Variants in DNAH9 observed in about 807,000 individuals in gnomAD.
DNAH9 encodes DNAH9 variant protein.
Under a neutral mutation model 471.6 loss-of-function variants are expected in DNAH9, and 345 were observed. That is an observed-to-expected ratio of 0.73 (90% confidence interval 0.67 to 0.80). DNAH9 has a LOEUF of 0.80. Among genes scored for constraint, DNAH9 ranks in the 30% least tolerant of loss-of-function variants. The pLI, the probability that DNAH9 is intolerant of heterozygous loss-of-function variation, is 0.00. For missense variants in DNAH9, 5,407 were observed against 5,609.2 expected, an observed-to-expected ratio of 0.96 and a Z score of 1.15; for synonymous variants, 2,093 against 2,123.6, an observed-to-expected ratio of 0.99 and a Z score of 0.40.
chr17:11,892,226 CCAAT>C lies in DNAH9; in HGVS notation c.11283+287_11283+290del, dbSNP rs758956246. Among the ~76,000 whole-genome samples the C allele has an allele frequency of 6.6e-6, 1 of 152,154 alleles. No homozygotes were observed. Among genetic ancestry groups the C allele is most frequent in the Non-Finnish European group, 1.5e-5 (1 of 68,044 alleles). The stretch of plus-strand genomic sequence containing the variant: ...CAGCACAGCACTCCAGCAGCCACTA[CCAAT>C]CAATCAAAACTGGCACTGAAGATGA... On this transcript the variant is annotated intron_variant, in intron 58 of 68. Coordinates refer to ENST00000262442, the MANE Select transcript of DNAH9 (RefSeq NM_001372.4). This position sits in a 1 kb window ranked among gnomAD's most constrained non-coding sequence, Gnocchi z 4.3.
intron 9 of DNAH9, among the ~76,000 whole-genome samples, chr17:11,638,241 C>T (rs2073199539): frequency 1.3e-5 from 2 of 152,136 alleles, no homozygotes; most frequent in Admixed American, 6.6e-5. Flanking sequence ...TAAGAAAATC[C>T]GTTGGCCAAG....
At chr17:11,812,268 C>T (rs933843863) in intron 45 of DNAH9, among the ~76,000 whole-genome samples, 3 of 151,108 alleles carry the variant, frequency 2.0e-5, no homozygotes, top group African/African-American at 7.3e-5. Flanking sequence ...TCCAGACTTC[C>T]AGCATCTCAA....
chr17:11,599,323 T>C (rs190793226), intron 1 of DNAH9, among the ~76,000 whole-genome samples: 13 of 152,126 alleles, frequency 8.5e-5, no homozygotes, highest in Admixed American at 4.6e-4. Context: ...ATTGGAAAGA[T>C]CTGAAGAAGA....
intron 41 of DNAH9, among the ~76,000 whole-genome samples, chr17:11,788,653 AT>A (rs1394501652): frequency 6.6e-5 from 10 of 152,120 alleles, no homozygotes; most frequent in Non-Finnish European, 1.5e-5. Context: ...GTGTATCTCT[AT>A]TTTTAATAAT....
rs2073247608 is a variant in DNAH9 at position 11,640,340 on chromosome 17, G to A, written c.1857G>A (p.Gln619=). Residue 619 remains glutamine (Q), a synonymous_variant, in exon 10 of 69, where the codon CAG becomes CAA. Coordinates refer to ENST00000262442, the MANE Select transcript of DNAH9 (RefSeq NM_001372.4). ...TCCGCTGGGCACAGGAGCTGAGGCA[G>A]CGCATCCAGGGTCCTTTCAGCAACT... ...GGLRWAQELR[Q]RIQGPFSNFG... is the part of the protein sequence containing the mutation. 1 of 1,614,100 alleles carries A rather than the reference G, an allele frequency of 6.2e-7. No homozygotes were observed. Among genetic ancestry groups the A allele is most frequent in the African/African-American group, 1.3e-5 (1 of 75,056 alleles).
chr17:11,720,416 A>G (rs901640555), intron 27 of DNAH9, among the ~76,000 whole-genome samples: 2 of 151,758 alleles, frequency 1.3e-5, no homozygotes, highest in Admixed American at 1.3e-4. Context: ...ACCCCACGAC[A>G]GGCCCTGGTA....
intron 28 of DNAH9, among the ~76,000 whole-genome samples, chr17:11,734,690 G>A (rs1567759512): frequency 6.6e-6 from 1 of 152,212 alleles, no homozygotes; most frequent in East Asian, 1.9e-4. Context: ...ACTTTGTGAA[G>A]GCTTCCTGGA....
intron 1 of DNAH9, among the ~76,000 whole-genome samples, chr17:11,605,271 C>T (rs199498071): frequency 6.6e-6 from 1 of 152,186 alleles, no homozygotes; most frequent in African/African-American, 2.4e-5. Flanking sequence ...CCACCCCACA[C>T]TCCTGATTCC....
intron 41 of DNAH9, among the ~76,000 whole-genome samples, chr17:11,785,359 A>C (rs1164817999): frequency 1.3e-5 from 2 of 152,112 alleles, no homozygotes; most frequent in East Asian, 3.9e-4. Flanking sequence ...CCCATAAAAA[A>C]GTGTCGAAGT....
At position 11,679,755 on chromosome 17, in the gene DNAH9, A is replaced by G; in HGVS notation, c.3354-2A>G. ...TCCTCATGTTCTGTTTGTGTTGATT[A>G]GCTTGGCCAACCTGGATGCGTTTAT... On this transcript the variant is annotated splice_acceptor_variant, in intron 17 of 68. Coordinates refer to ENST00000262442, the MANE Select transcript of DNAH9 (RefSeq NM_001372.4). LOFTEE classifies it high-confidence loss of function. 1 of 1,608,886 alleles carries G rather than the reference A, an allele frequency of 6.2e-7. No individual in the cohort carries two copies.
At chr17:11,855,923 A>C (rs894306811) in intron 50 of DNAH9, among the ~76,000 whole-genome samples, 1 of 152,198 alleles carries the variant, frequency 6.6e-6, no homozygotes, top group African/African-American at 2.4e-5. Context: ...GAATAGACAC[A>C]GTAATAGTAC....
In DNAH9 at chr17:11,871,844, C is replaced by A. The variant is rs1972277310; in HGVS notation, c.10242+58C>A. On this transcript the variant is annotated intron_variant, in intron 52 of 68. Coordinates refer to ENST00000262442, the MANE Select transcript of DNAH9 (RefSeq NM_001372.4). ...CAGCCTCTGGGCACCAATGGGAAGA[C>A]ATCACGGTCATAATTCGCATCCTCT... 1.9e-6 allele frequency: 3 copies of A among 1,561,210 alleles called. No individual in the cohort carries two copies. The Admixed American group carries it at 5.2e-5, about 27-fold the overall frequency.
At chr17:11,949,275 CA>C (rs1405079686) in intron 67 of DNAH9, among the ~76,000 whole-genome samples, 1 of 152,128 alleles carries the variant, frequency 6.6e-6, no homozygotes, top group African/African-American at 2.4e-5. Context: ...ATTGCAATGC[CA>C]AAACCGAGGA....
intron 50 of DNAH9, among the ~76,000 whole-genome samples, chr17:11,865,103 G>A (rs1482305839): frequency 6.6e-6 from 1 of 152,172 alleles, no homozygotes; most frequent in Non-Finnish European, 1.5e-5. Context: ...AGTTGATGCA[G>A]TTTCTTCCTA....
intron 35 of DNAH9, among the ~76,000 whole-genome samples, chr17:11,762,759 T>TTTTG (rs1250319557): frequency 1.4e-5 from 1 of 72,244 alleles, no homozygotes; most frequent in African/African-American, 4.6e-5. Context: ...TTTAGGTGCG[T>TTTTG]TTTTTTTTTT....
At chr17:11,903,876 A>T (rs1419426026) in intron 60 of DNAH9, among the ~76,000 whole-genome samples, 3 of 151,566 alleles carry the variant, frequency 2.0e-5, no homozygotes, top group Non-Finnish European at 4.4e-5. Context: ...GCACCACCGC[A>T]CTCTAGCCTG....
At position 11,615,265 on chromosome 17, in the gene DNAH9, G is replaced by T. The variant is rs144895261; in HGVS notation, c.905-2146G>T. ...ACCACTGGAGATCACTATGCACTTT[G>T]CTGTTTGTATTTACATTCTTTAAAA... On this transcript the variant is annotated intron_variant, in intron 4 of 68. Coordinates refer to ENST00000262442, the MANE Select transcript of DNAH9 (RefSeq NM_001372.4). Among the ~76,000 whole-genome samples the T allele has an allele frequency of 7.4e-3, 1,126 of 152,276 alleles. 16 individuals carry two copies. Among genetic ancestry groups the T allele is most frequent in the African/African-American group, 0.026 (1,077 of 41,544 alleles).
At chr17:11,774,777 T>A (rs1968353167) in intron 38 of DNAH9, among the ~76,000 whole-genome samples, 1 of 152,184 alleles carries the variant, frequency 6.6e-6, no homozygotes. Context: ...AGAATTCCAT[T>A]GTGTGAATAA....
At chr17:11,665,734 T>A (rs2073854567) in intron 15 of DNAH9, among the ~76,000 whole-genome samples, 2 of 152,204 alleles carry the variant, frequency 1.3e-5, no homozygotes, top group Admixed American at 1.3e-4. Context: ...TAGAAGGATT[T>A]GTCAAAATGG....
Sources: allele counts gnomAD v4.1 joint callset (sites outside exome capture counted in the v4.1 genomes callset), GRCh38; gene constraint gnomAD v4.1.1; non-coding constraint Gnocchi (gnomAD v3.1); transcripts MANE v1.5; gene names NCBI Gene and HGNC (gene_info 2026-07-23, HGNC 2026-07-21).